The following TMEM244 variants were observed in gnomAD, a reference collection of about 807,000 sequenced individuals.
The protein encoded by TMEM244 is putative transmembrane protein 244.
Under a neutral mutation model 15.8 loss-of-function variants are expected in TMEM244, and 13 were observed. The observed-to-expected ratio is 0.82, with a 90% CI of 0.53 to 1.30. The LOEUF (loss-of-function observed/expected upper bound fraction) is 1.30. Ranked by LOEUF, TMEM244 falls within the 50% of genes most tolerant of loss-of-function variation. TMEM244 has a pLI of 0.00. For missense variants in TMEM244, 161 were observed against 144.9 expected, an observed-to-expected ratio of 1.11 and a Z score of -0.57; for synonymous variants, 45 against 48.7, an observed-to-expected ratio of 0.92 and a Z score of 0.32.
chr6:129,851,329 T>A (rs1266035720), intron 1 of TMEM244, among the ~76,000 whole-genome samples: 1 of 152,136 alleles, frequency 6.6e-6, no homozygotes, highest in Non-Finnish European at 1.5e-5. Context: ...AGTGCCATGG[T>A]TTGATCTTGG....
chr6:129,855,384 A>G (rs543927558), intron 1 of TMEM244, among the ~76,000 whole-genome samples: 1 of 151,238 alleles, frequency 6.6e-6, no homozygotes, highest in East Asian at 1.9e-4. Flanking sequence ...TGACATTATA[A>G]CACTTTTATT....
intron 1 of TMEM244, among the ~76,000 whole-genome samples, chr6:129,851,741 G>A (rs1163846795): frequency 2.0e-5 from 3 of 152,154 alleles, no homozygotes; most frequent in African/African-American, 7.2e-5. Flanking sequence ...CTGTCCAAAT[G>A]AGGGAACATT....
chr6:129,831,765 G>A (rs1382157605), intron 4 of TMEM244, among the ~76,000 whole-genome samples: 2 of 152,162 alleles, frequency 1.3e-5, no homozygotes, highest in Admixed American at 6.6e-5. Context: ...AGTGCCACAT[G>A]TTAGATCATT....
intron 3 of TMEM244, among the ~76,000 whole-genome samples, chr6:129,840,255 G>T (rs1776470003): frequency 6.6e-6 from 1 of 152,148 alleles, no homozygotes; most frequent in Admixed American, 6.5e-5. Flanking sequence ...GAACAGAACA[G>T]AGGCCTCAAG....
intron 3 of TMEM244, among the ~76,000 whole-genome samples, chr6:129,835,139 T>C (rs1158121766): frequency 6.6e-6 from 1 of 152,180 alleles, no homozygotes; most frequent in Admixed American, 6.5e-5. Flanking sequence ...TTCACACCTG[T>C]AATTCCAGCA....
intron 2 of TMEM244, among the ~76,000 whole-genome samples, chr6:129,844,123 A>G (rs1776530739): frequency 6.6e-6 from 1 of 152,190 alleles, no homozygotes; most frequent in Non-Finnish European, 1.5e-5. Context: ...CACCTATTAT[A>G]TGATACCATT....
At chr6:129,853,169 G>A (rs936172719) in intron 1 of TMEM244, among the ~76,000 whole-genome samples, 2 of 152,080 alleles carry the variant, frequency 1.3e-5, no homozygotes, top group African/African-American at 2.4e-5. Context: ...GATCACCCGT[G>A]GGTCCTGTTA....
chr6:129,831,542 G>T (rs1265480608), intron 4 of TMEM244, among the ~76,000 whole-genome samples, 156 bp from the exon 5 acceptor site: 1 of 152,194 alleles, frequency 6.6e-6, no homozygotes, highest in Non-Finnish European at 1.5e-5. Flanking sequence ...TTCAGTCCTG[G>T]TCTAAAAGGT....
At chr6:129,850,934 A>C (rs1776629877) in intron 1 of TMEM244, among the ~76,000 whole-genome samples, 1 of 152,130 alleles carries the variant, frequency 6.6e-6, no homozygotes, top group Non-Finnish European at 1.5e-5. Flanking sequence ...TCATCTTCTC[A>C]TCCCCTGCCC....
intron 1 of TMEM244, among the ~76,000 whole-genome samples, chr6:129,857,682 T>A (rs1157527914): frequency 6.6e-6 from 1 of 152,052 alleles, no homozygotes; most frequent in Admixed American, 6.6e-5. Flanking sequence ...TAGATAGTAG[T>A]GGAGTTAGTG....
intron 1 of TMEM244, among the ~76,000 whole-genome samples, chr6:129,855,630 T>C (rs1247140587): frequency 1.3e-5 from 2 of 152,196 alleles, no homozygotes; most frequent in Non-Finnish European, 2.9e-5. Flanking sequence ...TACATTTGGT[T>C]GTCATGGCTC....
rs1488886824 is a variant in TMEM244, at chr6:129,860,143, GTGTGTC to G, written c.33+1007_33+1012del. On this transcript the variant is annotated intron_variant, in intron 1 of 4. Transcript: ENST00000368143. ...TGTGTGTGTGTGTGTGTGTGTGTGT[GTGTGTC>G]TGTCTGTCTGGTCTGTGTAAGCCCC... Among the ~76,000 whole-genome samples, 965 of 135,270 alleles carry G rather than the reference GTGTGTC, an allele frequency of 7.1e-3. 4 individuals are homozygous for G. The highest frequency in any genetic ancestry group is 0.024 in the East Asian group (119 of 4,926). 88.7% of individuals were successfully genotyped at this position (135,270 alleles called of 152,430 possible). A position where few individuals can be genotyped will look rare whatever the true frequency, so the allele number is the denominator to read the frequency against.
chr6:129,837,805 A>C (rs1424392214), intron 3 of TMEM244, among the ~76,000 whole-genome samples: 2 of 152,208 alleles, frequency 1.3e-5, no homozygotes, highest in African/African-American at 4.8e-5. Flanking sequence ...TAAACCAACA[A>C]AGATCAAAAG....
intron 1 of TMEM244, among the ~76,000 whole-genome samples, chr6:129,857,572 C>T (rs538419268): frequency 1.2e-3 from 180 of 152,140 alleles, no homozygotes; most frequent in African/African-American, 3.7e-3. Flanking sequence ...GTTGGCCAGG[C>T]TGTTCTGGAA....
intron 3 of TMEM244, among the ~76,000 whole-genome samples, chr6:129,838,964 G>A (rs1386456346): frequency 6.6e-6 from 1 of 152,132 alleles, no homozygotes; most frequent in Non-Finnish European, 1.5e-5. Context: ...AAAAGTCCAT[G>A]ACCAGATGGA....
intron 1 of TMEM244, among the ~76,000 whole-genome samples, chr6:129,849,642 T>C (rs1432835878): frequency 5.3e-5 from 8 of 152,154 alleles, no homozygotes; most frequent in Non-Finnish European, 1.5e-5. Context: ...CCAGTCCCAG[T>C]GTTTCTGATT....
chr6:129,857,377 A>G (rs1171648406), intron 1 of TMEM244, among the ~76,000 whole-genome samples: 2 of 151,712 alleles, frequency 1.3e-5, no homozygotes, highest in Admixed American at 6.6e-5. Context: ...TTTTTTTGAG[A>G]TGGAGTCTCG....
At chr6:129,839,804 A>T (rs575012485) in intron 3 of TMEM244, among the ~76,000 whole-genome samples, 1 of 152,368 alleles carries the variant, frequency 6.6e-6, no homozygotes, top group East Asian at 1.9e-4. Context: ...CAGAGAGCCA[A>T]AACATGAGTG....
At chr6:129,840,220 A>T (rs1217112160) in intron 3 of TMEM244, among the ~76,000 whole-genome samples, 35 of 152,202 alleles carry the variant, frequency 2.3e-4, no homozygotes, top group Non-Finnish European at 1.0e-4. Flanking sequence ...TGGTACTGAT[A>T]CCAAAACAGA....
Sources: allele counts gnomAD v4.1 joint callset (sites outside exome capture counted in the v4.1 genomes callset), GRCh38; gene constraint gnomAD v4.1.1; transcripts MANE v1.5; gene names NCBI Gene and HGNC (gene_info 2026-07-23, HGNC 2026-07-21).